Variants in RCC1L observed in about 807,000 individuals in gnomAD.
RCC1L encodes the protein RCC1 like, also known as RCC1-like G exchanging factor-like protein.
RCC1L carries 46 observed loss-of-function variants against 58.6 expected under a neutral mutation model. The observed-to-expected ratio is 0.79, with a 90% confidence interval of 0.62 to 1.00. The LOEUF (loss-of-function observed/expected upper bound fraction) is 1.00. Ranked by LOEUF, RCC1L falls within the 50% of genes least tolerant of loss-of-function variation. The probability of loss-of-function intolerance (pLI) is 0.00; values close to 1 mark genes in which losing one functional copy is unlikely to be tolerated. For synonymous variants in RCC1L, 281 were observed against 262.9 expected, an observed-to-expected ratio of 1.07 and a Z score of -0.67; for missense variants, 636 against 623.6, an observed-to-expected ratio of 1.02 and a Z score of -0.21.
At chr7:75,068,496 G>A (rs1193118681) in intron 2 of RCC1L, among the ~76,000 whole-genome samples, 1 of 152,022 alleles carries the variant, frequency 6.6e-6, no homozygotes, top group African/African-American at 2.4e-5. Context: ...CACCAACCTG[G>A]CCAACGTGGT....
rs1449753066 is a variant in RCC1L at position 75,072,155 on chromosome 7, CATATACATATATATATAT to C, written c.324+1241_324+1258del. On this transcript the variant is annotated intron_variant, in intron 1 of 10. Transcript: ENST00000610322. ...TTTTAAATTTATACATATACATATA[CATATACATATATATATAT>C]ATATATATATATATATATGGAGAGA... Among the ~76,000 whole-genome samples the C allele has an allele frequency of 7.9e-4, 38 of 48,148 alleles. 2 individuals carry two copies. Among genetic ancestry groups the C allele is most frequent in the East Asian group, 2.4e-3 (2 of 848 alleles). The allele number at this position is 48,148 out of a possible 152,430, so 31.6% of individuals were successfully genotyped here.
chr7:75,055,898 T>G lies in RCC1L; in HGVS notation c.1231+3A>C, dbSNP rs782529151. On this transcript the variant is annotated splice_donor_region_variant and intron_variant, in intron 9 of 10. Transcript: ENST00000610322. The stretch of plus-strand genomic sequence containing the variant: ...ACCAGGGCCACCGGGCTTGGTAACT[T>G]ACTGGTCAGTGCAGCAAAGTGGCTG... 6.2e-7 allele frequency: 1 copy of G among 1,613,928 alleles called. No individual in the cohort carries two copies.
At chr7:75,066,463 A>G (rs782164618) in intron 3 of RCC1L, among the ~76,000 whole-genome samples, 1 of 152,190 alleles carries the variant, frequency 6.6e-6, no homozygotes, top group East Asian at 1.9e-4. Context: ...CAAAAAAATA[A>G]TAAATAAATA....
At chr7:75,061,341 T>C in intron 5 of RCC1L, 50 bp from the exon 6 acceptor site, 1 of 1,537,008 alleles carries the variant, frequency 6.5e-7, no homozygotes, top group South Asian at 1.1e-5. Flanking sequence ...CTTAGAACCC[T>C]GGTGTCCTCA....
intron 6 of RCC1L, among the ~76,000 whole-genome samples, chr7:75,059,204 GAAAAA>G (rs1212226550): frequency 8.3e-6 from 1 of 120,156 alleles, no homozygotes; most frequent in African/African-American, 3.1e-5. Flanking sequence ...AAAAAAAAAA[GAAAAA>G]AAAAGAAAAG....
At chr7:75,053,937 C>A (rs1805996062) in intron 9 of RCC1L, among the ~76,000 whole-genome samples, 1 of 152,186 alleles carries the variant, frequency 6.6e-6, no homozygotes. Flanking sequence ...GGGTCTCACT[C>A]TGCTGCCCAG....
chr7:75,034,577 G>A (rs1226985880), intron 10 of RCC1L, among the ~76,000 whole-genome samples: 2 of 152,188 alleles, frequency 1.3e-5, no homozygotes, highest in Non-Finnish European at 2.9e-5. Flanking sequence ...TGAATGTGGA[G>A]GTCTTCGCCT....
chr7:75,048,335 G>A (rs1271086617), intron 10 of RCC1L, among the ~76,000 whole-genome samples: 5 of 151,768 alleles, frequency 3.3e-5, no homozygotes, highest in Admixed American at 6.6e-5. Flanking sequence ...GTATAAGCGA[G>A]GCTAGAAGTC....
chr7:75,044,719 G>A (rs1231788749), intron 10 of RCC1L, among the ~76,000 whole-genome samples: 1 of 151,112 alleles, frequency 6.6e-6, no homozygotes, highest in Non-Finnish European at 1.5e-5. Context: ...ACTTTCCAGA[G>A]GTTTGTTTTG....
chr7:75,048,286 A>G (rs1360344903), intron 10 of RCC1L, among the ~76,000 whole-genome samples: 2 of 133,922 alleles, frequency 1.5e-5, no homozygotes, highest in Non-Finnish European at 3.2e-5. Context: ...AAAAAAAAAA[A>G]AGAACCACCA....
chr7:75,058,800 T>C, intron 6 of RCC1L, 31 bp from the exon 7 acceptor site: 1 of 1,613,414 alleles, frequency 6.2e-7, no homozygotes, highest in Non-Finnish European at 8.5e-7. Flanking sequence ...GATTTTTAAT[T>C]ATTCGCTCTT....
intron 10 of RCC1L, among the ~76,000 whole-genome samples, chr7:75,028,293 G>C (rs1429572378): frequency 2.0e-5 from 3 of 152,020 alleles, no homozygotes; most frequent in African/African-American, 7.2e-5. Context: ...GCTAATTTTT[G>C]TATTTTTGGT....
intron 1 of RCC1L, among the ~76,000 whole-genome samples, chr7:75,072,837 C>G (rs1806814145): frequency 6.6e-6 from 1 of 152,034 alleles, no homozygotes; most frequent in Non-Finnish European, 1.5e-5. Context: ...ATTTGCCGGG[C>G]TAGGTGGCAG....
chr7:75,053,537 G>C (rs1218609804), intron 9 of RCC1L, among the ~76,000 whole-genome samples: 1 of 152,208 alleles, frequency 6.6e-6, no homozygotes, highest in African/African-American at 2.4e-5. Context: ...CTGTGTTCCA[G>C]GAGCTGGGGA....
chr7:75,030,284 G>A (rs1001325211), intron 10 of RCC1L, among the ~76,000 whole-genome samples: 2 of 152,214 alleles, frequency 1.3e-5, no homozygotes, highest in Non-Finnish European at 2.9e-5. Flanking sequence ...CGTGTGCAGA[G>A]CCCACACCTG....
At chr7:75,055,767 G>T in intron 9 of RCC1L, 134 bp downstream of exon 9, 1 of 1,008,228 alleles carries the variant, frequency 9.9e-7, no homozygotes, top group Non-Finnish European at 1.5e-6. Flanking sequence ...CTTAGCCCTT[G>T]CTTGAGTTAT....
At chr7:75,069,238 G>A (rs1554445676) in intron 2 of RCC1L, among the ~76,000 whole-genome samples, 2 of 151,968 alleles carry the variant, frequency 1.3e-5, no homozygotes, top group Non-Finnish European at 2.9e-5. Flanking sequence ...TGTTGCCCAG[G>A]CTGGAGTGCG....
At chr7:75,033,631 G>C (rs1237669387) in intron 10 of RCC1L, among the ~76,000 whole-genome samples, 1 of 151,784 alleles carries the variant, frequency 6.6e-6, no homozygotes, top group African/African-American at 2.4e-5. Context: ...GGAGACAGAG[G>C]TTGCAGTGAG....
At position 75,056,036 on chromosome 7, in the gene RCC1L, C is replaced by T; in HGVS notation, c.1096G>A (p.Gly366Arg). Residue 366 changes from glycine to arginine, a missense_variant, in exon 9 of 11, where the codon GGG becomes AGG. Coordinates refer to ENST00000610322, the MANE Select transcript of RCC1L (RefSeq NM_030798.5). ...CTTTCCACTAGGTTTGGACCTTTCC[C>T]AAGAATTCCATAGCCCCAGACAAAA... Reference protein sequence around the residue: ...HVFVWGYGILGKGPNLVESAV... With the variant: ...HVFVWGYGILRKGPNLVESAV... 1.2e-6 allele frequency: 2 copies of T among 1,613,918 alleles called. No individual in the cohort carries two copies. Among genetic ancestry groups the T allele is most frequent in the African/African-American group, 2.7e-5 (2 of 75,032 alleles).
Sources: allele counts gnomAD v4.1 joint callset (sites outside exome capture counted in the v4.1 genomes callset), GRCh38; gene constraint gnomAD v4.1.1; transcripts MANE v1.5; gene names NCBI Gene and HGNC (gene_info 2026-07-23, HGNC 2026-07-21).